PRDM5: variants seen among roughly 807,000 people sequenced by gnomAD.
PRDM5 encodes the protein PR domain zinc finger protein 5.
A neutral mutation model predicts 81.2 loss-of-function variants in PRDM5; 56 were observed. The ratio of observed to expected loss-of-function variants is 0.69; its 90% confidence interval spans 0.56 to 0.86. The LOEUF is 0.86. PRDM5 is among the 40% of genes least tolerant of loss of function. The probability of loss-of-function intolerance (pLI) is 0.00; values close to 1 mark genes in which losing one functional copy is unlikely to be tolerated. For missense variants in PRDM5, 697 were observed against 770.1 expected (o/e 0.91, Z 1.12); for synonymous variants, 267 against 256.4 (o/e 1.04, Z -0.39).
At chr4:120,774,945 T>G (rs1157875674) in intron 13 of PRDM5, among the ~76,000 whole-genome samples, 1 of 116,712 alleles carries the variant, frequency 8.6e-6, no homozygotes, top group Non-Finnish European at 2.0e-5. Flanking sequence ...TGTATATATG[T>G]GTGTGTATAT....
intron 14 of PRDM5, among the ~76,000 whole-genome samples, chr4:120,722,867 C>T (rs55961121): frequency 0.031 from 4,712 of 152,218 alleles, 107 homozygotes; most frequent in Non-Finnish European, 0.05. Flanking sequence ...GTGCTGAGCA[C>T]GCGAGGAGCT....
intron 3 of PRDM5, among the ~76,000 whole-genome samples, chr4:120,852,145 TCAC>T (rs1346733920): frequency 6.6e-6 from 1 of 152,112 alleles, no homozygotes; most frequent in Non-Finnish European, 1.5e-5. Context: ...CACTGAGGGA[TCAC>T]CTAAGTTCAA....
At position 120,745,018 on chromosome 4, in the gene PRDM5, T is replaced by G. The variant is rs905126839; in HGVS notation, c.1623+9535A>C. Among the ~76,000 whole-genome samples the G allele has an allele frequency of 3.5e-4, 53 of 149,692 alleles. No individual in the cohort carries two copies. In the South Asian group the frequency reaches 1.0e-2, roughly 28 times the overall value. On this transcript the variant is annotated intron_variant, in intron 14 of 15. Coordinates refer to ENST00000264808, the MANE Select transcript of PRDM5 (RefSeq NM_018699.4). ...GACCAATATCCTTGATTAACACTGA[T>G]GCAAAAATCCTCAATAAAATACTGG...
intron 3 of PRDM5, among the ~76,000 whole-genome samples, chr4:120,845,428 C>T (rs1180610744): frequency 6.6e-6 from 1 of 152,136 alleles, no homozygotes; most frequent in African/African-American, 2.4e-5. Flanking sequence ...AATCCTAGGG[C>T]CCTTAATAAT....
chr4:120,904,560 T>C (rs1421922610), intron 2 of PRDM5, among the ~76,000 whole-genome samples: 1 of 152,062 alleles, frequency 6.6e-6, no homozygotes, highest in Non-Finnish European at 1.5e-5. Context: ...AGCATAAAAA[T>C]GTATAAAATC....
rs1406636152 is a variant in PRDM5, at chr4:120,779,360, CTG to C, written c.1443+1781_1443+1782del. On this transcript the variant is annotated intron_variant, in intron 12 of 15. Transcript: ENST00000264808. ...AAATGAGCAACACACTATGAATATA[CTG>C]TGTGACTATTATTGCAGACAAAGTA... Among the ~76,000 whole-genome samples, 5 of 152,124 alleles carry C rather than the reference CTG, an allele frequency of 3.3e-5. No individual in the cohort carries two copies. In the East Asian group the frequency reaches 9.6e-4, roughly 29 times the overall value.
intron 2 of PRDM5, among the ~76,000 whole-genome samples, chr4:120,900,112 T>G (rs1418692849): frequency 6.6e-6 from 1 of 152,194 alleles, no homozygotes; most frequent in Non-Finnish European, 1.5e-5. Context: ...TGTTCAGTTA[T>G]CTGGAAACCC....
intron 2 of PRDM5, among the ~76,000 whole-genome samples, chr4:120,882,963 A>G (rs1044097967): frequency 6.6e-6 from 1 of 152,232 alleles, no homozygotes; most frequent in African/African-American, 2.4e-5. Context: ...CAGTTTTTAA[A>G]ATTAAATAAA....
chr4:120,782,309 A>G (rs898657333), intron 11 of PRDM5, among the ~76,000 whole-genome samples: 1 of 152,178 alleles, frequency 6.6e-6, no homozygotes, highest in Non-Finnish European at 1.5e-5. Flanking sequence ...GGCAAAATTA[A>G]GAATAATTAA....
chr4:120,710,261 A>T, intron 15 of PRDM5, 48 bp downstream of exon 15: 1 of 1,476,034 alleles, frequency 6.8e-7, no homozygotes, highest in Non-Finnish European at 9.4e-7. Flanking sequence ...ACACACCCCT[A>T]CTTTCTGTTA....
At chr4:120,918,181 T>TA (rs1341813369) in intron 1 of PRDM5, among the ~76,000 whole-genome samples, 1 of 152,244 alleles carries the variant, frequency 6.6e-6, no homozygotes, top group Non-Finnish European at 1.5e-5. Flanking sequence ...TTAGAGTAGT[T>TA]ACATAGTTTA....
intron 2 of PRDM5, among the ~76,000 whole-genome samples, chr4:120,889,969 A>G (rs956861081): frequency 6.6e-6 from 1 of 152,102 alleles, no homozygotes; most frequent in East Asian, 1.9e-4. Context: ...GGCTGATTCC[A>G]TTACTTTGCT....
At chr4:120,708,070 G>C (rs1339062026) in intron 15 of PRDM5, among the ~76,000 whole-genome samples, 1 of 152,024 alleles carries the variant, frequency 6.6e-6, no homozygotes, top group African/African-American at 2.4e-5. Flanking sequence ...AAATGGTGTC[G>C]CTCCTAAGGA....
In PRDM5 at chr4:120,721,067, G is replaced by A. The variant is rs1218508077; in HGVS notation, c.1624-10654C>T. ...AATAGTGTGTATAAATGAAATGGCT[G>A]GGCAGCCAGAAAGTCCTGTCACTTG... On this transcript the variant is annotated intron_variant, in intron 14 of 15. Coordinates refer to ENST00000264808, the MANE Select transcript of PRDM5 (RefSeq NM_018699.4). 2.6e-5 allele frequency among the ~76,000 whole-genome samples: 4 copies of A among 152,174 alleles called. No homozygotes were observed. In the East Asian group the frequency reaches 7.7e-4, roughly 29 times the overall value.
chr4:120,918,807 T>C (rs1288317497), intron 1 of PRDM5, among the ~76,000 whole-genome samples: 1 of 152,122 alleles, frequency 6.6e-6, no homozygotes, highest in Non-Finnish European at 1.5e-5. Flanking sequence ...CCTGCAACTC[T>C]CTGGGCTTCA....
chr4:120,821,028 G>C, intron 4 of PRDM5, 143 bp downstream of exon 4: 2 of 995,888 alleles, frequency 2.0e-6, no homozygotes, highest in Non-Finnish European at 3.1e-6. Flanking sequence ...TCCACCACAG[G>C]ATACCCTCGA....
At chr4:120,866,258 A>G (rs1761188988) in intron 2 of PRDM5, among the ~76,000 whole-genome samples, 2 of 152,190 alleles carry the variant, frequency 1.3e-5, no homozygotes, top group South Asian at 4.1e-4. Flanking sequence ...ATGCACATCC[A>G]CTGCCTGGAG....
intron 14 of PRDM5, among the ~76,000 whole-genome samples, chr4:120,733,892 T>TA (rs60786051): frequency 0.065 from 8,610 of 132,134 alleles, 496 homozygotes; most frequent in African/African-American, 0.15. Flanking sequence ...GACACAAAAG[T>TA]AAAAAAAAAA....
At chr4:120,767,895 T>C (rs1041316989) in intron 13 of PRDM5, among the ~76,000 whole-genome samples, 1 of 151,810 alleles carries the variant, frequency 6.6e-6, no homozygotes, top group Non-Finnish European at 1.5e-5. Context: ...TAAAGGGGAG[T>C]TCCCCTGCAC....
Sources: allele counts gnomAD v4.1 joint callset (sites outside exome capture counted in the v4.1 genomes callset), GRCh38; gene constraint gnomAD v4.1.1; transcripts MANE v1.5; gene names NCBI Gene and HGNC (gene_info 2026-07-23, HGNC 2026-07-21).